EMC1: variants seen among roughly 807,000 people sequenced by gnomAD.
EMC1 encodes the protein KIAA0090.
Under a neutral mutation model 128.8 loss-of-function variants are expected in EMC1, and 103 were observed. The observed-to-expected ratio is 0.80, with a 90% CI of 0.68 to 0.94. The LOEUF (loss-of-function observed/expected upper bound fraction) is 0.94. Among genes scored for constraint, EMC1 ranks in the 40% least tolerant of loss-of-function variants. EMC1 has a pLI of 0.00. For synonymous variants in EMC1, 442 were observed against 490.4 expected, an observed-to-expected ratio of 0.90 and a Z score of 1.30; for missense variants, 1,083 against 1,250.6, an observed-to-expected ratio of 0.87 and a Z score of 2.02.
Position 19,219,405 on chromosome 1 carries a change from A to T in EMC1, c.2880T>A (p.Tyr960Ter). Residue 960 changes from tyrosine (Y) to a stop codon, truncating the protein, a stop_gained, in exon 23 of 23, where the codon TAT becomes TAA. Coordinates refer to ENST00000477853, the MANE Select transcript of EMC1 (RefSeq NM_015047.3). LOFTEE classifies it high-confidence loss of function. ...GGACGCTGCTGATTAACACGTAGTC[A>T]TAGTCATCCTTCAGAACGTCAAACT... is the stretch of plus-strand genomic sequence containing the variant. ...SKQFDVLKDD[Y>*]DYVLISSVLF... The T allele has an allele frequency of 3.1e-6, 5 of 1,614,108 alleles. No homozygotes were observed. The highest frequency in any genetic ancestry group is 4.2e-6 in the Non-Finnish European group (5 of 1,180,020).
chr1:19,224,664 T>C (rs2093458212), intron 18 of EMC1, among the ~76,000 whole-genome samples: 1 of 152,176 alleles, frequency 6.6e-6, no homozygotes, highest in South Asian at 2.1e-4. Context: ...CTCACCCCTC[T>C]ACAGTCTAAT....
intron 1 of EMC1, among the ~76,000 whole-genome samples, chr1:19,247,940 C>T (rs974275079): frequency 1.3e-5 from 2 of 151,970 alleles, no homozygotes; most frequent in Admixed American, 1.3e-4. Flanking sequence ...ATGAGAATCA[C>T]TTGAACCCGG....
At position 19,239,216 on chromosome 1, in the gene EMC1, G is replaced by A. The variant is rs2151957377; in HGVS notation, c.1026+15C>T. ...AGGAAAATCCCAAGTGCTGACTGTTGTTCTCAATACTCACCACTTCATTCC... is the reference window on the plus strand; with the variant it reads ...AGGAAAATCCCAAGTGCTGACTGTTATTCTCAATACTCACCACTTCATTCC... On this transcript the variant is annotated intron_variant, in intron 9 of 22. Coordinates refer to ENST00000477853, the MANE Select transcript of EMC1 (RefSeq NM_015047.3). The A allele has an allele frequency of 6.2e-7, 1 of 1,610,856 alleles. No individual in the cohort carries two copies. The highest frequency in any genetic ancestry group is 1.3e-5 in the African/African-American group (1 of 74,960).
intron 10 of EMC1, among the ~76,000 whole-genome samples, chr1:19,238,554 A>G (rs1427149883): frequency 6.6e-6 from 1 of 152,232 alleles, no homozygotes; most frequent in South Asian, 2.1e-4. Context: ...GGATCCCAAA[A>G]GAAATGGGGA....
rs2093612037 is a variant in EMC1 at position 19,242,440 on chromosome 1, C to T, written c.414G>A (p.Glu138=). The T allele has an allele frequency of 1.2e-6, 2 of 1,614,192 alleles. No homozygotes were observed. The highest frequency in any genetic ancestry group is 2.7e-5 in the African/African-American group (2 of 75,052). The change falls in exon 5 of 23, where the codon GAG becomes GAA. Residue 138 remains glutamate, a synonymous_variant. Coordinates refer to ENST00000477853, the MANE Select transcript of EMC1 (RefSeq NM_015047.3). ...TCAGGACTGCGATGTACCTTACAGA[C>T]TCCTGCAGGCCAACCAGCCCAAGTG... The part of the protein sequence containing the change: ...FQALGLVGLQ[E]SVRYIAVLKK...
intron 1 of EMC1, among the ~76,000 whole-genome samples, chr1:19,246,129 G>A (rs1336879937): frequency 1.3e-5 from 2 of 152,010 alleles, no homozygotes; most frequent in Admixed American, 6.5e-5. Context: ...AGTGGCTCAC[G>A]CCTATAATCC....
chr1:19,229,211 A>T (rs553631695), intron 17 of EMC1: 2 of 152,324 alleles, frequency 1.3e-5, no homozygotes, highest in South Asian at 4.1e-4. Flanking sequence ...GTCTGTTCAC[A>T]TTTTGCTTGT....
At chr1:19,231,870 T>G (rs780950737) in intron 15 of EMC1, among the ~76,000 whole-genome samples, 5 of 151,848 alleles carry the variant, frequency 3.3e-5, no homozygotes, top group African/African-American at 9.7e-5. Flanking sequence ...CAATCCGCCC[T>G]CCTTGGCCTC....
chr1:19,223,287 G>GC, intron 19 of EMC1, 109 bp downstream of exon 19: 2 of 1,019,944 alleles, frequency 2.0e-6, no homozygotes, highest in South Asian at 3.1e-5. Flanking sequence ...TGCCATCCAG[G>GC]GAATTTGAGA....
At chr1:19,246,906 C>A (rs557318261) in intron 1 of EMC1, among the ~76,000 whole-genome samples, 1 of 152,304 alleles carries the variant, frequency 6.6e-6, no homozygotes, top group Admixed American at 6.5e-5. Context: ...TATTTGACGG[C>A]AAGGCCTTTA....
At position 19,227,296 on chromosome 1, in the gene EMC1, CAGCT is replaced by C; in HGVS notation, c.2202+13_2202+16del. The stretch of plus-strand genomic sequence containing the variant: ...TCGAAAGCCCTTGCTGTAGACCAGA[CAGCT>C]GGCTGTATGTACCTTGTAGAGCACA... On this transcript the variant is annotated intron_variant, in intron 18 of 22. Coordinates refer to ENST00000477853, the MANE Select transcript of EMC1 (RefSeq NM_015047.3). 1 of 1,613,942 alleles carries C rather than the reference CAGCT, an allele frequency of 6.2e-7. No individual in the cohort carries two copies. The highest frequency in any genetic ancestry group is 1.3e-5 in the African/African-American group (1 of 75,050).
chr1:19,242,017 C>T (rs2093608717), intron 5 of EMC1, among the ~76,000 whole-genome samples: 1 of 152,128 alleles, frequency 6.6e-6, no homozygotes, highest in South Asian at 2.1e-4. Context: ...AAGGCTCAGT[C>T]AGAACTAGAA....
chr1:19,250,110 C>T (rs1360299892), intron 1 of EMC1, among the ~76,000 whole-genome samples: 4 of 148,090 alleles, frequency 2.7e-5, no homozygotes, highest in African/African-American at 7.5e-5. Context: ...CCCAGCTACT[C>T]GGGAGGCTGA....
chr1:19,251,457 G>A lies in EMC1; in HGVS notation c.53C>T (p.Pro18Leu). The A allele has an allele frequency of 6.2e-7, 1 of 1,614,176 alleles. No homozygotes were observed. The change falls in exon 1 of 23, where the codon CCT becomes CTT. Residue 18 changes from proline to leucine, a missense_variant. Physicochemically the swap from Pro to Leu is moderately conservative, Grantham distance 98. Around this residue, in one of 3 missense-constraint regions of EMC1, gnomAD observed 544 missense variants for 572.4 expected, o/e 0.95. Transcript: ENST00000477853. Reference protein sequence around the residue: ...RFWLWATLLIPAAAVYEDQVG... With the variant: ...RFWLWATLLILAAAVYEDQVG... ...TTGGTCTTCGTAGACCGCGGCCGCA[G>A]GAATCAGCAGCGTAGCCCAAAGCCA...
chr1:19,242,506 A>G, intron 4 of EMC1, 33 bp from the exon 5 acceptor site: 1 of 1,613,160 alleles, frequency 6.2e-7, no homozygotes, highest in African/African-American at 1.3e-5. Flanking sequence ...AGCAGCCCAC[A>G]CCTGCAGAGC....
chr1:19,223,420 G>A lies in EMC1; in HGVS notation c.2352C>T (p.Ile784=), dbSNP rs745732457. The change falls in exon 19 of 23, where the codon ATC becomes ATT. Residue 784 remains isoleucine, a synonymous_variant. Coordinates refer to ENST00000477853, the MANE Select transcript of EMC1 (RefSeq NM_015047.3). ...CCACCACCCAGTTCTCTGAATGCAC[G>A]ATATGGACAGGGCCTTTGGCTTTCT... ...VQKKAKGPVH[I]VHSENWVVYQ... is the part of the protein sequence containing the mutation. 28 of 1,614,036 alleles carry A rather than the reference G, an allele frequency of 1.7e-5. No individual in the cohort carries two copies. Among genetic ancestry groups the A allele is most frequent in the Middle Eastern group, 3.3e-4 (2 of 6,084 alleles).
chr1:19,225,332 C>T (rs375947649), intron 18 of EMC1, among the ~76,000 whole-genome samples: 1 of 152,206 alleles, frequency 6.6e-6, no homozygotes. Context: ...ATCTGAACAA[C>T]ACAGCAAGAC....
intron 1 of EMC1, among the ~76,000 whole-genome samples, chr1:19,246,976 A>T (rs898565008): frequency 6.6e-6 from 1 of 152,180 alleles, no homozygotes; most frequent in Non-Finnish European, 1.5e-5. Flanking sequence ...ATAGAGGAAG[A>T]GACATCAGGG....
chr1:19,228,879 C>A (rs1437624343), intron 17 of EMC1, among the ~76,000 whole-genome samples: 1 of 151,990 alleles, frequency 6.6e-6, no homozygotes, highest in East Asian at 1.9e-4. Context: ...TGGTGAAACC[C>A]CGTCTCTACT....
Sources: gnomAD v4.1 joint callset for allele counts (sites outside exome capture counted in the v4.1 genomes callset) on GRCh38, gnomAD v4.1.1 for gene constraint, gnomAD v4.1.1 regional missense constraint, MANE v1.5 for transcripts, NCBI Gene and HGNC (gene_info 2026-07-23, HGNC 2026-07-21) for gene names.